ACAP3: variants seen among roughly 807,000 people sequenced by gnomAD.
The protein encoded by ACAP3 is ArfGAP with coiled-coil, ankyrin repeat and PH domains 3, also known as arf-GAP with coiled-coil, ANK repeat and PH domain-containing protein 3.
In ACAP3, 56 loss-of-function variants were observed where a neutral mutation model predicts 104.1. That is an observed-to-expected ratio of 0.54 (90% confidence interval 0.43 to 0.67). The LOEUF (loss-of-function observed/expected upper bound fraction) is 0.67. Ranked by LOEUF, ACAP3 falls within the 30% of genes least tolerant of loss-of-function variation. ACAP3 has a pLI of 0.00. For synonymous variants in ACAP3, 628 were observed against 496.2 expected (o/e 1.27, Z -3.53); for missense variants, 1,208 against 1,174.9 (o/e 1.03, Z -0.41).
chr1:1,306,575 C>T (rs1641704172), intron 1 of ACAP3, among the ~76,000 whole-genome samples: 1 of 152,224 alleles, frequency 6.6e-6, no homozygotes, highest in African/African-American at 2.4e-5. Context: ...TCCTGAGCCT[C>T]CTGGTGAGGG....
intron 23 of ACAP3, 21 bp downstream of exon 23, chr1:1,293,802 C>CGCCCCTGCCCAG: frequency 6.4e-7 from 1 of 1,563,976 alleles, no homozygotes; most frequent in Non-Finnish European, 8.6e-7. Context: ...CGCCCAGCCC[C>CGCCCCTGCCCAG]GAGGGCCCGG....
intron 10 of ACAP3, 163 bp downstream of exon 10, chr1:1,299,182 G>A: frequency 1.1e-6 from 1 of 927,698 alleles, no homozygotes; most frequent in Non-Finnish European, 1.6e-6. Context: ...GGAATGTGGA[G>A]GTCTGGCCGG....
chr1:1,294,551 G>A lies in ACAP3; in HGVS notation c.1990C>T (p.Arg664Cys). Residue 664 changes from arginine to cysteine, a missense_variant, in exon 21 of 24, where the codon CGC becomes TGC. Physicochemically the swap from Arg to Cys is radical, Grantham distance 180. Coordinates refer to ENST00000354700, the MANE Select transcript of ACAP3 (RefSeq NM_030649.3). ...GCCAAGAGCCCCGGGTGCAGCTCGC[G>A]CACGTCCGCCAGGCCCCAGGCCTCG... is the stretch of plus-strand genomic sequence containing the variant. ...EAEAWGLADV[R>C]ELHPGLLAHR... is the part of the protein sequence containing the mutation. 5 of 1,500,208 alleles carry A rather than the reference G, an allele frequency of 3.3e-6. No individual in the cohort carries two copies. Among genetic ancestry groups the A allele is most frequent in the Non-Finnish European group, 3.5e-6 (4 of 1,134,180 alleles). The allele number at this position is 1,500,208 out of a possible 1,614,324, so 92.9% of individuals were successfully genotyped here. A position where few individuals can be genotyped will look rare whatever the true frequency, so the allele number is the denominator to read the frequency against.
Position 1,307,525 on chromosome 1 carries a change from GTGCCCACGGC to G in ACAP3, c.47+234_47+243del, listed in dbSNP as rs969870080. On this transcript the variant is annotated intron_variant, in intron 1 of 23. Transcript: ENST00000354700. ...CAGAGCGGGGGCGGACGGTCCCGAG[GTGCCCACGGC>G]TGCCCACGCGCACGCCCTCCACCCG... The G allele has an allele frequency of 3.1e-5, 35 of 1,139,532 alleles. No homozygotes were observed. The Admixed American group carries it at 3.8e-4, about 13-fold the overall frequency. The allele number at this position is 1,139,532 out of a possible 1,614,324, so 70.6% of individuals were successfully genotyped here.
intron 6 of ACAP3, 120 bp from the exon 7 acceptor site, chr1:1,300,322 C>G (rs1055958896): frequency 7.5e-7 from 1 of 1,332,526 alleles, no homozygotes. Flanking sequence ...TCGTCTTCAG[C>G]TCCCAGCTCT....
intron 5 of ACAP3, among the ~76,000 whole-genome samples, chr1:1,301,191 C>G (rs1332134298): frequency 6.6e-6 from 1 of 151,966 alleles, no homozygotes; most frequent in African/African-American, 2.4e-5. Context: ...CCACCTCGGC[C>G]TCCCAAGTAG....
chr1:1,300,862 C>CG (rs1483828118), intron 5 of ACAP3, among the ~76,000 whole-genome samples, 170 bp from the exon 6 acceptor site: 1 of 152,186 alleles, frequency 6.6e-6, no homozygotes, highest in Non-Finnish European at 1.5e-5. Context: ...ATCTCTGCCT[C>CG]GCGAGTTCAA....
chr1:1,292,436 C>G lies in ACAP3; in HGVS notation c.*1128G>C, dbSNP rs539030980. 1 of 152,284 alleles carries G rather than the reference C, an allele frequency of 6.6e-6. No individual in the cohort carries two copies. The highest frequency in any genetic ancestry group is 3.2e-3 in the Middle Eastern group (1 of 316). The allele number at this position is 152,284 out of a possible 1,614,324, so 9.4% of individuals were successfully genotyped here. On this transcript the variant is annotated 3_prime_UTR_variant, in exon 24 of 24. Transcript: ENST00000354700. ...AAAGCGAGGGGTGGGGGGTGAGACC[C>G]GCCAGCAGGGGCCTGGGGCAAGAGG...
intron 1 of ACAP3, among the ~76,000 whole-genome samples, chr1:1,306,207 C>T (rs367719819): frequency 6.6e-6 from 1 of 152,142 alleles, no homozygotes; most frequent in East Asian, 1.9e-4. Context: ...TAACAGGCTC[C>T]CATGAGAGCC....
chr1:1,304,178 C>T, intron 1 of ACAP3, 35 bp from the exon 2 acceptor site: 5 of 1,549,878 alleles, frequency 3.2e-6, no homozygotes, highest in Non-Finnish European at 4.4e-6. Flanking sequence ...GGGTCACCTG[C>T]AGCCTCAGCC....
At position 1,307,299 on chromosome 1, in the gene ACAP3, G is replaced by A. The variant is rs937080918; in HGVS notation, c.47+470C>T. 17 of 1,289,016 alleles carry A rather than the reference G, an allele frequency of 1.3e-5. No homozygotes were observed. The African/African-American group carries it at 1.5e-4, about 12-fold the overall frequency. 79.8% of individuals were successfully genotyped at this position (1,289,016 alleles called of 1,614,324 possible). On this transcript the variant is annotated intron_variant, in intron 1 of 23. Coordinates refer to ENST00000354700, the MANE Select transcript of ACAP3 (RefSeq NM_030649.3). ...TCGGCCGCCACCCCTCCAAGCCCCT[G>A]GGTCATTCAAACCACTTCACGTTTC... is the stretch of plus-strand genomic sequence containing the variant.
chr1:1,299,126 C>G lies in ACAP3; in HGVS notation c.750+219G>C, dbSNP rs1157557623. 3 of 631,924 alleles carry G rather than the reference C, an allele frequency of 4.7e-6. No individual in the cohort carries two copies. In the South Asian group the frequency reaches 6.0e-5, roughly 13 times the overall value. The allele number at this position is 631,924 out of a possible 1,614,324, so 39.1% of individuals were successfully genotyped here. On this transcript the variant is annotated intron_variant, in intron 10 of 23. Coordinates refer to ENST00000354700, the MANE Select transcript of ACAP3 (RefSeq NM_030649.3). ...GAGGGGAGGGGCGGCCACCTGCTCC[C>G]CAGGCCACATGGGATGGGAAGGGAC...
intron 10 of ACAP3, 110 bp downstream of exon 10, chr1:1,299,235 G>C: frequency 7.3e-7 from 1 of 1,375,044 alleles, no homozygotes. Context: ...AGCCGAGACT[G>C]GTGGGAGGTG....
intron 9 of ACAP3, 21 bp from the exon 10 acceptor site, chr1:1,299,377 G>C (rs966716543): frequency 3.9e-6 from 6 of 1,539,644 alleles, no homozygotes; most frequent in East Asian, 4.7e-5. Context: ...GGAGCAGGAG[G>C]GGGTAGGGGG....
At position 1,295,805 on chromosome 1, in the gene ACAP3, G is replaced by A. The variant is rs200579243; in HGVS notation, c.1636C>T (p.Arg546Cys). 4.8e-5 allele frequency: 77 copies of A among 1,609,816 alleles called. 1 individual carries two copies. The highest frequency in any genetic ancestry group is 2.5e-4 in the Admixed American group (15 of 59,972). Residue 546 changes from arginine (R) to cysteine (C), a missense_variant, in exon 18 of 24, where the codon CGC becomes TGC. By Grantham distance (180) the Arg-to-Cys change is radical. Coordinates refer to ENST00000354700, the MANE Select transcript of ACAP3 (RefSeq NM_030649.3). ...ACCTTGCGGCGGGCAGTGGGAGCGC[G>A]GGGAGAGCTGTGGGGCCGCAGGCAC... The part of the protein sequence containing the change: ...QKCLRPHSSP[R>C]APTARRKVRL...
chr1:1,299,777 A>T, intron 9 of ACAP3, 54 bp downstream of exon 9: 1 of 1,507,708 alleles, frequency 6.6e-7, no homozygotes, highest in East Asian at 2.5e-5. Context: ...TGGGGTGAGG[A>T]CGCAGGGGCC....
intron 19 of ACAP3, 54 bp from the exon 20 acceptor site, chr1:1,294,870 A>C: frequency 6.5e-7 from 1 of 1,529,630 alleles, no homozygotes. Flanking sequence ...GACTCCGTCC[A>C]GAGCCCTGGG....
rs191609941 is a variant in ACAP3 at position 1,295,493 on chromosome 1, C to T, written c.1767G>A (p.Ser589=). 25 of 1,612,526 alleles carry T rather than the reference C, an allele frequency of 1.6e-5. No homozygotes were observed. Among genetic ancestry groups the T allele is most frequent in the Admixed American group, 5.0e-5 (3 of 60,000 alleles). Residue 589 remains serine, a synonymous_variant, in exon 19 of 24, where the codon TCG becomes TCA. Transcript: ENST00000354700. ...CCCCTGCGTCGAAGTAGGAGAAGAG[C>T]GAGTCCAGCTCGTCGGGACAGAAGA... ...DSLFCPDELD[S]LFSYFDAGAA...
chr1:1,302,804 C>CG (rs1447734901), intron 4 of ACAP3, 118 bp downstream of exon 4: 6 of 331,622 alleles, frequency 1.8e-5, no homozygotes, highest in Middle Eastern at 1.1e-3. Context: ...TTCCCCCCCC[C>CG]CCCGACTAGA....
Sources: gnomAD v4.1 joint callset for allele counts (sites outside exome capture counted in the v4.1 genomes callset) on GRCh38, gnomAD v4.1.1 for gene constraint, MANE v1.5 for transcripts, NCBI Gene and HGNC (gene_info 2026-07-23, HGNC 2026-07-21) for gene names.